SLC35A3: variants seen among roughly 807,000 people sequenced by gnomAD.
SLC35A3 encodes the protein UDP-N-acetylglucosamine transporter.
In SLC35A3, 26 loss-of-function variants were observed where a neutral mutation model predicts 39.0. The ratio of observed to expected loss-of-function variants is 0.67; its 90% CI spans 0.49 to 0.92. The LOEUF (loss-of-function observed/expected upper bound fraction) is 0.92. Among genes scored for constraint, SLC35A3 ranks in the 40% least tolerant of loss-of-function variants. The probability of loss-of-function intolerance (pLI) is 0.00; values close to 1 mark genes in which losing one functional copy is unlikely to be tolerated. For synonymous variants in SLC35A3, 135 were observed against 133.1 expected (o/e 1.01, Z -0.10); for missense variants, 299 against 371.6 (o/e 0.80, Z 1.61).
intron 7 of SLC35A3, 22 bp from the exon 8 acceptor site, chr1:100,022,364 A>T (rs763979922): frequency 2.3e-6 from 3 of 1,276,606 alleles, no homozygotes; most frequent in Admixed American, 2.0e-5. Context: ...TCTCTTTTTT[A>T]TTTTGTCTTC....
intron 7 of SLC35A3, among the ~76,000 whole-genome samples, chr1:100,019,680 T>A (rs981385708): frequency 6.6e-6 from 1 of 152,168 alleles, no homozygotes; most frequent in African/African-American, 2.4e-5. Flanking sequence ...GGTACGCCTA[T>A]ACTTGCATTT....
intron 7 of SLC35A3, among the ~76,000 whole-genome samples, chr1:100,019,402 T>A (rs1024609926): frequency 2.0e-5 from 3 of 149,462 alleles, no homozygotes; most frequent in Non-Finnish European, 3.0e-5. Flanking sequence ...AATGAATGAA[T>A]GAATGAATGA....
intron 4 of SLC35A3, chr1:100,007,573 T>G (rs1010874364): frequency 3.9e-5 from 6 of 153,574 alleles, no homozygotes; most frequent in African/African-American, 1.2e-4. Flanking sequence ...TCTGTGAGAC[T>G]CCCTTTAAAT....
At chr1:99,981,278 A>G (rs1360668441) in intron 1 of SLC35A3, among the ~76,000 whole-genome samples, 3 of 152,100 alleles carry the variant, frequency 2.0e-5, no homozygotes. Context: ...TTTCATATAT[A>G]CTCTCTTATG....
At chr1:99,991,428 G>A (rs938381037) in intron 1 of SLC35A3, among the ~76,000 whole-genome samples, 1 of 152,214 alleles carries the variant, frequency 6.6e-6, no homozygotes, top group Non-Finnish European at 1.5e-5. Flanking sequence ...ACAGGCGTGA[G>A]CCACCGCGCC....
intron 6 of SLC35A3, chr1:100,015,668 TAA>T (rs1045780770): frequency 2.5e-6 from 1 of 405,158 alleles, no homozygotes; most frequent in Non-Finnish European, 4.2e-6. Flanking sequence ...AGTTTAAGAA[TAA>T]AAGAGTTGAA....
rs1333681581 is a variant in SLC35A3, at chr1:100,024,622, CTT to C, written c.*2160_*2161del. On this transcript the variant is annotated 3_prime_UTR_variant, in exon 8 of 8. Coordinates refer to ENST00000533028, the MANE Select transcript of SLC35A3 (RefSeq NM_012243.3). ...TATGAATGAAAAAAATAAAATACTT[CTT>C]TTTTTTTTTTTTTGAGACAGAGTCT... 0.014 allele frequency: 3,563 copies of C among 250,146 alleles called. No individual in the cohort carries two copies. Among genetic ancestry groups the C allele is most frequent in the Middle Eastern group, 0.024 (20 of 842 alleles). 15.5% of individuals were successfully genotyped at this position (250,146 alleles called of 1,614,324 possible).
At chr1:99,979,104 C>G (rs1657292862) in intron 1 of SLC35A3, 1 of 152,208 alleles carries the variant, frequency 6.6e-6, no homozygotes, top group Non-Finnish European at 1.5e-5. Context: ...CTTAGATCCT[C>G]ATATTAATTT....
intron 2 of SLC35A3, among the ~76,000 whole-genome samples, chr1:99,995,104 T>TTTTCTTTCTTTCTTTCTTTC (rs58899984): frequency 4.8e-4 from 55 of 113,470 alleles, no homozygotes; most frequent in African/African-American, 1.4e-3. Flanking sequence ...TTTTTGTGTA[T>TTTTCTTTCTTTCTTTCTTTC]TTTCTTTCTT....
At chr1:100,015,498 C>T (rs1660035482) in intron 6 of SLC35A3, 78 bp downstream of exon 6, 1 of 1,437,798 alleles carries the variant, frequency 7.0e-7, no homozygotes, top group Admixed American at 2.5e-5. Context: ...TCCTGATATA[C>T]TGATGTGAGG....
rs971359479 is a variant in SLC35A3, at chr1:100,030,538, A to G, written c.*8062A>G. The G allele has an allele frequency of 6.6e-6, 1 of 152,248 alleles. No homozygotes were observed. The highest frequency in any genetic ancestry group is 2.4e-5 in the African/African-American group (1 of 41,460). 9.4% of individuals were successfully genotyped at this position (152,248 alleles called of 1,614,324 possible). A position where few individuals can be genotyped will look rare whatever the true frequency, so the allele number is the denominator to read the frequency against. On this transcript the variant is annotated 3_prime_UTR_variant, in exon 8 of 8. Coordinates refer to ENST00000533028, the MANE Select transcript of SLC35A3 (RefSeq NM_012243.3). ...GTTACTGTATTTTATATGTGGCCCA[A>G]GACAATTCTTCTTCTTTAAGGGTGA...
In SLC35A3 at chr1:99,970,021, G is replaced by T. The variant is rs1353125623; in HGVS notation, c.-160G>T. ...GGAAACGCCTGGGCTGCACCGAGCTGGCGGTGGCTACGGCGACGGGAGCCG... is the reference window on the plus strand; with the variant it reads ...GGAAACGCCTGGGCTGCACCGAGCTTGCGGTGGCTACGGCGACGGGAGCCG... On this transcript the variant is annotated 5_prime_UTR_variant, in exon 1 of 8. Coordinates refer to ENST00000533028, the MANE Select transcript of SLC35A3 (RefSeq NM_012243.3). 1 of 153,192 alleles carries T rather than the reference G, an allele frequency of 6.5e-6. No individual in the cohort carries two copies. The highest frequency in any genetic ancestry group is 2.4e-5 in the African/African-American group (1 of 41,472). 9.5% of individuals were successfully genotyped at this position (153,192 alleles called of 1,614,324 possible).
chr1:100,010,040 A>G (rs1236405261), intron 4 of SLC35A3, among the ~76,000 whole-genome samples: 1 of 152,168 alleles, frequency 6.6e-6, no homozygotes, highest in East Asian at 1.9e-4. Flanking sequence ...GTAGCTATTT[A>G]AATTTAATTA....
At chr1:99,993,491 A>T (rs1031254373) in intron 1 of SLC35A3, 46 bp from the exon 2 acceptor site, 1 of 1,523,150 alleles carries the variant, frequency 6.6e-7, no homozygotes, top group Non-Finnish European at 9.0e-7. Context: ...ACTAGTTTTC[A>T]TATGTTGTAA....
intron 1 of SLC35A3, among the ~76,000 whole-genome samples, chr1:99,989,405 T>C (rs1176656312): frequency 2.0e-5 from 3 of 152,156 alleles, no homozygotes; most frequent in Non-Finnish European, 4.4e-5. Context: ...TGCCTCAGCC[T>C]CCTGAGTAGC....
chr1:99,984,632 A>G (rs1339967494), intron 1 of SLC35A3, among the ~76,000 whole-genome samples: 1 of 152,202 alleles, frequency 6.6e-6, no homozygotes, highest in Non-Finnish European at 1.5e-5. Flanking sequence ...TGGTAGTTCT[A>G]CTTTTAGTTC....
rs1029235861 is a variant in SLC35A3 at position 100,026,421 on chromosome 1, G to A, written c.*3945G>A. On this transcript the variant is annotated 3_prime_UTR_variant, in exon 8 of 8. Coordinates refer to ENST00000533028, the MANE Select transcript of SLC35A3 (RefSeq NM_012243.3). ...CCTTTATCAAAATCTGGTCCTATGT[G>A]CCTTGCTTTACCAAATACCTGATTT... 1.3e-5 allele frequency: 2 copies of A among 152,176 alleles called. No homozygotes were observed. Among genetic ancestry groups the A allele is most frequent in the Non-Finnish European group, 2.9e-5 (2 of 68,012 alleles). 9.4% of individuals were successfully genotyped at this position (152,176 alleles called of 1,614,324 possible). A position where few individuals can be genotyped will look rare whatever the true frequency, so the allele number is the denominator to read the frequency against.
chr1:100,008,627 A>C (rs1015049769), intron 4 of SLC35A3: 53 of 152,222 alleles, frequency 3.5e-4, no homozygotes, highest in African/African-American at 1.3e-3. Flanking sequence ...GCATTTATCC[A>C]TTCTTTCTCT....
intron 3 of SLC35A3, among the ~76,000 whole-genome samples, chr1:99,999,812 T>C (rs1255416640): frequency 7.3e-6 from 1 of 137,404 alleles, no homozygotes; most frequent in Non-Finnish European, 1.6e-5. Flanking sequence ...CCCCGCTCCC[T>C]TTTTTTTTTT....
Sources: gnomAD v4.1 joint callset for allele counts (sites outside exome capture counted in the v4.1 genomes callset) on GRCh38, gnomAD v4.1.1 for gene constraint, MANE v1.5 for transcripts, NCBI Gene and HGNC (gene_info 2026-07-23, HGNC 2026-07-21) for gene names.